The following RFX6 variants were observed in gnomAD, a reference collection of about 807,000 sequenced individuals.
RFX6 encodes DNA-binding protein RFX6.
A neutral mutation model predicts 110.8 loss-of-function variants in RFX6; 50 were observed. The observed-to-expected ratio is 0.45, with a 90% CI of 0.36 to 0.57. The LOEUF (loss-of-function observed/expected upper bound fraction) is 0.57. Ranked by LOEUF, RFX6 falls within the 20% of genes least tolerant of loss-of-function variation. RFX6 has a pLI of 0.00. For missense variants in RFX6, 990 were observed against 1,127.0 expected (o/e 0.88, Z 1.74); for synonymous variants, 383 against 411.2 (o/e 0.93, Z 0.83).
rs1279349626 is a variant in RFX6 at position 116,910,958 on chromosome 6, G to A, written c.696G>A (p.Ser232=). 37 of 1,613,098 alleles carry A rather than the reference G, an allele frequency of 2.3e-5. No individual in the cohort carries two copies. The highest frequency in any genetic ancestry group is 3.3e-5 in the Admixed American group (2 of 59,948). Residue 232 remains serine, a synonymous_variant, in exon 7 of 19, where the codon TCG becomes TCA. Coordinates refer to ENST00000332958, the MANE Select transcript of RFX6 (RefSeq NM_173560.4). ...AGGGTGGCTTCACTCGTAAATATTC[G>A]CTTAGCTCAAAAACTGGAACACTTC... ...KNEGGFTRKY[S]LSSKTGTLLP...
Position 116,877,647 on chromosome 6 carries a change from G to A in RFX6, c.223+149G>A, listed in dbSNP as rs1774491937. The A allele has an allele frequency of 3.0e-5, 31 of 1,050,744 alleles. No individual in the cohort carries two copies. In the South Asian group the frequency reaches 3.6e-4, roughly 12 times the overall value. The allele number at this position is 1,050,744 out of a possible 1,614,324, so 65.1% of individuals were successfully genotyped here. ...TTGTATTTCCTCAGTAAAATGTCAA[G>A]TAGAGACCTGACATTTTGCATAGCC... On this transcript the variant is annotated intron_variant, in intron 1 of 18. Transcript: ENST00000332958.
chr6:116,896,791 A>T (rs760602298), intron 6 of RFX6, among the ~76,000 whole-genome samples: 1 of 152,234 alleles, frequency 6.6e-6, no homozygotes, highest in Non-Finnish European at 1.5e-5. Flanking sequence ...CATATACGTC[A>T]GTTCATTTGA....
chr6:116,923,764 A>G (rs973872886), intron 14 of RFX6, among the ~76,000 whole-genome samples: 4 of 152,222 alleles, frequency 2.6e-5, no homozygotes, highest in African/African-American at 9.7e-5. Context: ...TTCCTGTTCT[A>G]TATGACTTGG....
intron 4 of RFX6, chr6:116,884,792 A>G (rs1295666975): frequency 3.3e-5 from 5 of 152,140 alleles, no homozygotes; most frequent in African/African-American, 1.2e-4. Context: ...ATGTAACAAC[A>G]TGGGGTGACT....
At position 116,928,953 on chromosome 6, in the gene RFX6, T is replaced by A. The variant is rs777683481; in HGVS notation, c.2593T>A (p.Cys865Ser). 1.9e-6 allele frequency: 3 copies of A among 1,608,662 alleles called. No homozygotes were observed. The highest frequency in any genetic ancestry group is 2.6e-6 in the Non-Finnish European group (3 of 1,175,086). ...CACAGACACATCATCTCCAGTTGCA[T>A]GTCGAACTCCAGTCCTAGGTAAATT... is the stretch of plus-strand genomic sequence containing the variant. ...FYTDTSSPVA[C>S]RTPVLASSLQ... The change falls in exon 18 of 19, where the codon TGT becomes AGT. Residue 865 changes from cysteine (C) to serine (S), a missense_variant. By Grantham distance (112) the Cys-to-Ser change is moderately radical (BLOSUM62 -1). Coordinates refer to ENST00000332958, the MANE Select transcript of RFX6 (RefSeq NM_173560.4).
chr6:116,906,782 C>A (rs955779775), intron 6 of RFX6, among the ~76,000 whole-genome samples: 1 of 149,568 alleles, frequency 6.7e-6, no homozygotes, highest in Non-Finnish European at 1.5e-5. Context: ...TTAGGGGTTT[C>A]TACATATAAG....
chr6:116,882,527 G>C (rs1350161580), intron 4 of RFX6, 99 bp downstream of exon 4: 2 of 816,526 alleles, frequency 2.4e-6, no homozygotes, highest in Non-Finnish European at 4.2e-6. Context: ...AGAGAACCAG[G>C]TATTCTCTTG....
chr6:116,895,318 A>G (rs1312007467), intron 6 of RFX6, 111 bp downstream of exon 6: 6 of 663,952 alleles, frequency 9.0e-6, no homozygotes, highest in South Asian at 1.9e-5. Context: ...GTTATTTATT[A>G]GGAATTCCTT....
chr6:116,895,645 TACACACACACACAC>T (rs146991192), intron 6 of RFX6, among the ~76,000 whole-genome samples: 1 of 147,832 alleles, frequency 6.8e-6, no homozygotes, highest in Non-Finnish European at 1.5e-5. Flanking sequence ...CTACTTTGTG[TACACACACACACAC>T]ACACACACAC....
intron 4 of RFX6, among the ~76,000 whole-genome samples, chr6:116,892,485 A>AT (rs1774853745): frequency 6.6e-6 from 1 of 152,192 alleles, no homozygotes; most frequent in South Asian, 2.1e-4. Flanking sequence ...AGAAGGCCAC[A>AT]TTGCTTCACT....
In RFX6 at chr6:116,877,359, C is replaced by T; in HGVS notation, c.84C>T (p.Cys28=). 6.2e-7 allele frequency: 1 copy of T among 1,612,108 alleles called. No homozygotes were observed. Among genetic ancestry groups the T allele is most frequent in the Non-Finnish European group, 8.5e-7 (1 of 1,179,276 alleles). The change falls in exon 1 of 19, where the codon TGC becomes TGT. Residue 28 remains cysteine, a synonymous_variant. Transcript: ENST00000332958. ...TGTCCCCGGGGATCCAGGAAGACTGCTGTGTGCAGCTCCTGGGCAAGGGCT... is the reference window on the plus strand; with the variant it reads ...TGTCCCCGGGGATCCAGGAAGACTGTTGTGTGCAGCTCCTGGGCAAGGGCT... ...PQLSPGIQED[C]CVQLLGKGLL...
chr6:116,885,231 G>A (rs973331902), intron 4 of RFX6, among the ~76,000 whole-genome samples: 5 of 152,138 alleles, frequency 3.3e-5, no homozygotes, highest in Non-Finnish European at 7.4e-5. Context: ...TTTATTGTAA[G>A]GTTATTCAGC....
chr6:116,881,861 A>G (rs1031720237), intron 3 of RFX6, among the ~76,000 whole-genome samples: 1 of 152,190 alleles, frequency 6.6e-6, no homozygotes, highest in Non-Finnish European at 1.5e-5. Flanking sequence ...TGTTTTATGT[A>G]GAAGACTTTT....
Position 116,925,678 on chromosome 6 carries a change from C to T in RFX6, c.1885+19C>T, listed in dbSNP as rs201802229. On this transcript the variant is annotated intron_variant, in intron 16 of 18. Transcript: ENST00000332958. The stretch of plus-strand genomic sequence containing the variant: ...CTCACAGGTACGCTAAAGAGAACTG[C>T]TTAGGCTCCAGCACATCTCAGAGAA... The T allele has an allele frequency of 2.8e-4, 441 of 1,567,126 alleles. 2 individuals are homozygous for T. In the African/African-American group the frequency reaches 5.3e-3, roughly 19 times the overall value.
intron 4 of RFX6, among the ~76,000 whole-genome samples, chr6:116,891,089 T>C (rs1774820597): frequency 6.6e-6 from 1 of 152,208 alleles, no homozygotes; most frequent in Non-Finnish European, 1.5e-5. Flanking sequence ...TGTACCTCAG[T>C]GCTGGTCAGT....
At chr6:116,923,838 T>C (rs4946204) in intron 14 of RFX6, among the ~76,000 whole-genome samples, 37,009 of 152,080 alleles carry the variant, frequency 0.24, 4,890 homozygotes, top group South Asian at 0.42. Context: ...TTAGAATTCC[T>C]GAGACTCCTA....
chr6:116,919,085 G>C, intron 10 of RFX6, 52 bp from the exon 11 acceptor site: 2 of 1,490,914 alleles, frequency 1.3e-6, no homozygotes, highest in Non-Finnish European at 1.9e-6. Flanking sequence ...AAATATGATT[G>C]TTTAATGCAT....
Position 116,920,345 on chromosome 6 carries a change from T to C in RFX6, c.1218T>C (p.Val406=). Residue 406 remains valine, a synonymous_variant, in exon 12 of 19, where the codon GTT becomes GTC. Transcript: ENST00000332958. ...ARPALFDQHV[V]NSMVSDIERV... Reference sequence around the variant, plus strand: ...CAGCTCTCTTTGACCAGCATGTCGTTAATTCTATGGTGTCTGATATTGAAA... The same window carrying C: ...CAGCTCTCTTTGACCAGCATGTCGTCAATTCTATGGTGTCTGATATTGAAA... 1 of 1,612,476 alleles carries C rather than the reference T, an allele frequency of 6.2e-7. No homozygotes were observed. Among genetic ancestry groups the C allele is most frequent in the Non-Finnish European group, 8.5e-7 (1 of 1,178,468 alleles).
At position 116,919,179 on chromosome 6, in the gene RFX6, G is replaced by C. The variant is rs1418304783; in HGVS notation, c.1065G>C (p.Gln355His). Reference protein sequence around the residue: ...DIRNFAKNWEQWVVSSLENLP... With the variant: ...DIRNFAKNWEHWVVSSLENLP... ...GAAATTTTGCTAAAAATTGGGAACA[G>C]TGGGTTGTTTCATCCTTGGAAAACT... Residue 355 changes from glutamine to histidine, a missense_variant, in exon 11 of 19, where the codon CAG (glutamine) becomes CAC (histidine). Coordinates refer to ENST00000332958, the MANE Select transcript of RFX6 (RefSeq NM_173560.4). 4.3e-6 allele frequency: 7 copies of C among 1,613,554 alleles called. No individual in the cohort carries two copies. Among genetic ancestry groups the C allele is most frequent in the Non-Finnish European group, 5.9e-6 (7 of 1,179,682 alleles).
Sources: gnomAD v4.1 joint callset for allele counts (sites outside exome capture counted in the v4.1 genomes callset) on GRCh38, gnomAD v4.1.1 for gene constraint, MANE v1.5 for transcripts, NCBI Gene and HGNC (gene_info 2026-07-23, HGNC 2026-07-21) for gene names.